The following GGA1 variants were observed in gnomAD, a reference collection of about 807,000 sequenced individuals.
The protein encoded by GGA1 is ADP-ribosylation factor-binding protein GGA1.
GGA1 carries 18 observed loss-of-function variants against 76.9 expected under a neutral mutation model. That is an observed-to-expected ratio of 0.23 (90% CI 0.16 to 0.35). The LOEUF (loss-of-function observed/expected upper bound fraction) is 0.35. GGA1 is among the 10% of genes least tolerant of loss of function. GGA1 has a pLI of 1.00. For missense variants in GGA1, 755 were observed against 859.0 expected (o/e 0.88, Z 1.51); for synonymous variants, 342 against 354.7 (o/e 0.96, Z 0.40).
intron 1 of GGA1, 32 bp from the exon 2 acceptor site, chr22:37,614,158 G>A (rs569994160): frequency 1.4e-5 from 21 of 1,483,354 alleles, no homozygotes; most frequent in Middle Eastern, 1.7e-4. Context: ...TCCCACTGCC[G>A]GGCCACAATG....
intron 11 of GGA1, among the ~76,000 whole-genome samples, chr22:37,627,473 G>A (rs959038115): frequency 3.9e-5 from 6 of 152,170 alleles, no homozygotes; most frequent in Admixed American, 1.3e-4. Flanking sequence ...AAGGGTGACC[G>A]CAGGGAGAGG....
At chr22:37,619,851 C>T (rs764369095) in intron 4 of GGA1, 17 of 774,916 alleles carry the variant, frequency 2.2e-5, no homozygotes, top group Admixed American at 1.0e-4. Flanking sequence ...TGCTAGGAGA[C>T]GGAGAGTAGG....
intron 1 of GGA1, among the ~76,000 whole-genome samples, chr22:37,611,786 C>T (rs1472097168): frequency 6.6e-6 from 1 of 152,206 alleles, no homozygotes; most frequent in Non-Finnish European, 1.5e-5. Flanking sequence ...TAGAGGTGGG[C>T]TGTGGAGAAA....
chr22:37,620,403 C>T (rs1465439857), intron 5 of GGA1, 42 bp downstream of exon 5: 2 of 1,609,304 alleles, frequency 1.2e-6, no homozygotes, highest in Admixed American at 1.7e-5. Flanking sequence ...GGCCTGCCTT[C>T]CCCTCCCCCA....
intron 13 of GGA1, 94 bp downstream of exon 13, chr22:37,630,264 G>A (rs1931565610): frequency 1.1e-6 from 1 of 900,248 alleles, no homozygotes; most frequent in Admixed American, 2.9e-5. Context: ...CCAGCAGGGA[G>A]AGGCTCGTTG....
intron 3 of GGA1, 182 bp downstream of exon 3, chr22:37,617,179 A>G (rs529900778): frequency 6.9e-7 from 1 of 1,457,202 alleles, no homozygotes; most frequent in African/African-American, 1.5e-5. Flanking sequence ...CTGGCCTCCC[A>G]CCCCAGCATC....
Position 37,613,289 on chromosome 22 carries a change from A to G in GGA1, c.44-901A>G, listed in dbSNP as rs1023352554. 3.3e-5 allele frequency: 14 copies of G among 429,584 alleles called. 1 individual carries two copies. The East Asian group carries it at 1.6e-3, about 48-fold the overall frequency. The allele number at this position is 429,584 out of a possible 1,614,324, so 26.6% of individuals were successfully genotyped here. A position where few individuals can be genotyped will look rare whatever the true frequency, so the allele number is the denominator to read the frequency against. Reference sequence around the variant, plus strand: ...ACAGCCATGCGTGGGTCAGAGGTGTACCAGCTCCAGCCTGGGTGACTCCTC... The same window carrying G: ...ACAGCCATGCGTGGGTCAGAGGTGTGCCAGCTCCAGCCTGGGTGACTCCTC... On this transcript the variant is annotated intron_variant, in intron 1 of 16. Transcript: ENST00000343632.
intron 11 of GGA1, among the ~76,000 whole-genome samples, chr22:37,628,092 T>C (rs1469639081): frequency 6.6e-6 from 1 of 152,196 alleles, no homozygotes; most frequent in Non-Finnish European, 1.5e-5. Context: ...CTTCCTAAAA[T>C]GCTGGGATGA....
In GGA1 at chr22:37,613,273, C is replaced by T. The variant is rs960353291; in HGVS notation, c.44-917C>T. 19 of 596,932 alleles carry T rather than the reference C, an allele frequency of 3.2e-5. No homozygotes were observed. In the African/African-American group the frequency reaches 3.2e-4, roughly 10 times the overall value. The allele number at this position is 596,932 out of a possible 1,614,324, so 37.0% of individuals were successfully genotyped here. A position where few individuals can be genotyped will look rare whatever the true frequency, so the allele number is the denominator to read the frequency against. Reference sequence around the variant, plus strand: ...CATCTTTCCTGCCCATACAGCCATGCGTGGGTCAGAGGTGTACCAGCTCCA... The same window carrying T: ...CATCTTTCCTGCCCATACAGCCATGTGTGGGTCAGAGGTGTACCAGCTCCA... On this transcript the variant is annotated intron_variant, in intron 1 of 16. Coordinates refer to ENST00000343632, the MANE Select transcript of GGA1 (RefSeq NM_013365.5).
At chr22:37,628,586 G>C (rs1490380280) in intron 11 of GGA1, among the ~76,000 whole-genome samples, 3 of 152,208 alleles carry the variant, frequency 2.0e-5, no homozygotes, top group Non-Finnish European at 2.9e-5. Context: ...GGTTGTTTGA[G>C]GATTAAGCAA....
In GGA1 at chr22:37,618,437, T is replaced by G. The variant is rs1421694934; in HGVS notation, c.205-11T>G. On this transcript the variant is annotated splice_polypyrimidine_tract_variant and intron_variant, in intron 3 of 16. Coordinates refer to ENST00000343632, the MANE Select transcript of GGA1 (RefSeq NM_013365.5). ...CCTGGGCGTCCCCTCCCATCCCCCC[T>G]CCCTGCACAGGTGCTGGAAACATGC... 4 of 1,341,786 alleles carry G rather than the reference T, an allele frequency of 3.0e-6. No homozygotes were observed. The African/African-American group carries it at 4.4e-5, about 15-fold the overall frequency. 83.1% of individuals were successfully genotyped at this position (1,341,786 alleles called of 1,614,324 possible).
At position 37,608,903 on chromosome 22, in the gene GGA1, A is replaced by C; in HGVS notation, c.43A>C (p.Asn15His). 7.6e-7 allele frequency: 1 copy of C among 1,311,990 alleles called. No homozygotes were observed. The highest frequency in any genetic ancestry group is 9.7e-7 in the Non-Finnish European group (1 of 1,030,284). 81.3% of individuals were successfully genotyped at this position (1,311,990 alleles called of 1,614,324 possible). A position where few individuals can be genotyped will look rare whatever the true frequency, so the allele number is the denominator to read the frequency against. ...MEPETLEARI[N>H]RATNPLNKEL... ...GCCGGAGACTCTGGAGGCGCGAATC[A>C]GTGAGTGTCCGGGAGGGGCGCGGGC... The change falls in exon 1 of 17, where the codon AAT becomes CAT. Residue 15 changes from asparagine to histidine, a missense_variant and splice_region_variant. Transcript: ENST00000343632.
chr22:37,617,123 G>A, intron 3 of GGA1, 126 bp downstream of exon 3: 1 of 1,519,154 alleles, frequency 6.6e-7, no homozygotes, highest in Non-Finnish European at 8.8e-7. Context: ...GATGGCCCAG[G>A]ATGGAGGTCC....
rs1253028136 is a variant in GGA1 at position 37,624,596 on chromosome 22, GT to G, written c.833-372del. On this transcript the variant is annotated intron_variant, in intron 9 of 16. Coordinates refer to ENST00000343632, the MANE Select transcript of GGA1 (RefSeq NM_013365.5). This position sits in a 1 kb window ranked among gnomAD's most constrained non-coding sequence, Gnocchi z 4.3. ...AGAGAAGCAGGGAAGGGATGAGGTG[GT>G]GCAGGAGGGATTTAGGACAGGCCTC... The G allele has an allele frequency of 9.8e-6, 2 of 205,078 alleles. No individual in the cohort carries two copies. Among genetic ancestry groups the G allele is most frequent in the Non-Finnish European group, 2.1e-5 (2 of 96,254 alleles). The allele number at this position is 205,078 out of a possible 1,614,324, so 12.7% of individuals were successfully genotyped here. A position where few individuals can be genotyped will look rare whatever the true frequency, so the allele number is the denominator to read the frequency against.
chr22:37,609,308 A>C (rs1445593753), intron 1 of GGA1: 8 of 1,108,572 alleles, frequency 7.2e-6, no homozygotes, highest in Non-Finnish European at 8.9e-6. Context: ...TACTATTTTC[A>C]GGCCCCGAAT....
chr22:37,630,710 G>C (rs1931647184), intron 13 of GGA1, 193 bp from the exon 14 acceptor site: 1 of 571,104 alleles, frequency 1.8e-6, no homozygotes, highest in African/African-American at 1.9e-5. Context: ...GGGACCACAG[G>C]TGTGCGCTAC....
In GGA1 at chr22:37,632,059, G is replaced by T. The variant is rs140697419; in HGVS notation, c.1592G>T (p.Arg531Leu). The T allele has an allele frequency of 6.2e-7, 1 of 1,613,598 alleles. No homozygotes were observed. The highest frequency in any genetic ancestry group is 8.5e-7 in the Non-Finnish European group (1 of 1,179,914). The change falls in exon 15 of 17, where the codon CGG (arginine) becomes CTG (leucine). Residue 531 changes from arginine to leucine, a missense_variant. Transcript: ENST00000343632. The surrounding 1 kb of genome is among the most constrained non-coding windows in gnomAD (Gnocchi z 5.1). ...TTCCGCATCCTCTTCCATTTTGCCC[G>T]GGACCCACTGCCAGGGCGCTCCGAC... is the stretch of plus-strand genomic sequence containing the variant. ...HGFRILFHFA[R>L]DPLPGRSDVL...
chr22:37,616,094 G>A (rs1034477621), intron 2 of GGA1, among the ~76,000 whole-genome samples: 3 of 151,980 alleles, frequency 2.0e-5, no homozygotes, highest in African/African-American at 7.3e-5. Flanking sequence ...CACCTGCCTC[G>A]GCCTCCCAAA....
intron 11 of GGA1, among the ~76,000 whole-genome samples, chr22:37,628,700 G>A (rs1239168849): frequency 6.6e-6 from 1 of 152,216 alleles, no homozygotes; most frequent in African/African-American, 2.4e-5. Context: ...ACAGCTTCCT[G>A]GTACCCTTGC....
Sources: gnomAD v4.1 joint callset for allele counts (sites outside exome capture counted in the v4.1 genomes callset) on GRCh38, gnomAD v4.1.1 for gene constraint, Gnocchi (gnomAD v3.1) non-coding constraint, MANE v1.5 for transcripts, NCBI Gene and HGNC (gene_info 2026-07-23, HGNC 2026-07-21) for gene names.